The following NLN variants were observed in gnomAD, a reference collection of about 807,000 sequenced individuals.
NLN encodes the protein neurolysin.
NLN carries 64 observed loss-of-function variants against 79.9 expected under a neutral mutation model. The observed-to-expected ratio is 0.80, with a 90% CI of 0.65 to 0.99. NLN has a LOEUF of 0.99. Among genes scored for constraint, NLN ranks in the 50% least tolerant of loss-of-function variants. NLN has a pLI of 0.00. For missense variants in NLN, 835 were observed against 858.7 expected (o/e 0.97, Z 0.34); for synonymous variants, 267 against 296.6 (o/e 0.90, Z 1.02).
rs10639871 is a variant in NLN, at chr5:65,800,663, C to CTTTTTAT, written c.1527+8010_1527+8011insTTTATTT. ...TAGCTTGGATAGTGAAGAAAACTCT[C>CTTTTTAT]TTATTTATTTATTTATTTATTTATT... On this transcript the variant is annotated intron_variant, in intron 9 of 12. Transcript: ENST00000380985. Among the ~76,000 whole-genome samples, 131 of 142,970 alleles carry CTTTTTAT rather than the reference C, an allele frequency of 9.2e-4. 1 individual carries two copies. The highest frequency in any genetic ancestry group is 3.4e-3 in the Admixed American group (48 of 14,250). 93.8% of individuals were successfully genotyped at this position (142,970 alleles called of 152,430 possible).
At chr5:65,780,071 C>A in intron 4 of NLN, 108 bp from the exon 5 acceptor site, 1 of 605,754 alleles carries the variant, frequency 1.7e-6, no homozygotes. Flanking sequence ...AATGATCCAC[C>A]CACCTTAGCC....
chr5:65,793,866 C>T (rs1017738626), intron 9 of NLN, among the ~76,000 whole-genome samples: 5 of 152,056 alleles, frequency 3.3e-5, no homozygotes, highest in Non-Finnish European at 7.4e-5. Context: ...TCTTCCATTC[C>T]AATAGCACAT....
At chr5:65,776,858 G>A (rs1402674464) in intron 3 of NLN, among the ~76,000 whole-genome samples, 1 of 152,138 alleles carries the variant, frequency 6.6e-6, no homozygotes, top group Non-Finnish European at 1.5e-5. Flanking sequence ...TTCCTATGCG[G>A]CTTGCTGTAG....
intron 1 of NLN, among the ~76,000 whole-genome samples, chr5:65,742,519 T>C (rs1758892788): frequency 6.6e-6 from 1 of 152,192 alleles, no homozygotes. Context: ...AATGTCTCCA[T>C]ATTTAGCGTA....
At chr5:65,765,246 G>A (rs1054261427) in intron 3 of NLN, among the ~76,000 whole-genome samples, 1 of 152,170 alleles carries the variant, frequency 6.6e-6, no homozygotes, top group Non-Finnish European at 1.5e-5. Context: ...GGCCAGGTGC[G>A]GTGGCTCACG....
At chr5:65,822,641 T>C in intron 12 of NLN, 140 bp from the exon 13 acceptor site, 1 of 660,430 alleles carries the variant, frequency 1.5e-6, no homozygotes, top group Non-Finnish European at 2.7e-6. Flanking sequence ...ACAGAGCTGT[T>C]TGTGAGCAAG....
chr5:65,738,996 ATT>A (rs141122396), intron 1 of NLN, among the ~76,000 whole-genome samples: 2 of 140,016 alleles, frequency 1.4e-5, no homozygotes, highest in Non-Finnish European at 3.1e-5. Flanking sequence ...ATTTATATAT[ATT>A]TTATAATATA....
At chr5:65,799,611 A>G (rs1760240189) in intron 9 of NLN, among the ~76,000 whole-genome samples, 1 of 152,234 alleles carries the variant, frequency 6.6e-6, no homozygotes, top group Non-Finnish European at 1.5e-5. Context: ...ATTTGTTTTC[A>G]TCTTAAAAAG....
chr5:65,810,189 T>A (rs1449954013), intron 11 of NLN, 24 bp downstream of exon 11: 1 of 1,609,100 alleles, frequency 6.2e-7, no homozygotes, highest in South Asian at 1.1e-5. Context: ...ATGAATTGAG[T>A]TCATTTCTCT....
intron 9 of NLN, among the ~76,000 whole-genome samples, chr5:65,796,696 C>T (rs983343822): frequency 1.3e-5 from 2 of 152,200 alleles, no homozygotes; most frequent in Non-Finnish European, 2.9e-5. Flanking sequence ...TTTTCATAGG[C>T]ACCGATCCAT....
chr5:65,758,618 GT>G lies in NLN; in HGVS notation c.94del (p.Ser32LeufsTer17). On this transcript the variant is annotated frameshift_variant, in exon 2 of 13. Coordinates refer to ENST00000380985, the MANE Select transcript of NLN (RefSeq NM_020726.5). LOFTEE classifies it high-confidence loss of function. ...GAATGACGTTAGGAAGAGAAGTGAT[GT>G]CTCCTCTTCAGGCAATGTCTTCCTA... is the stretch of plus-strand genomic sequence containing the variant. ...LRMTLGREVM[S>X]PLQAMSSYTV... is the part of the protein sequence containing the mutation. The G allele has an allele frequency of 6.2e-7, 1 of 1,602,772 alleles. No homozygotes were observed. The highest frequency in any genetic ancestry group is 8.5e-7 in the Non-Finnish European group (1 of 1,169,832).
chr5:65,828,458 A>G lies in NLN; in HGVS notation c.*5543A>G, dbSNP rs1197695814. On this transcript the variant is annotated 3_prime_UTR_variant, in exon 13 of 13. Transcript: ENST00000380985. ...AAATAAAAAAGAATTAGGGAAGTTC[A>G]GTCTGGAGATAATTCAGAAATACAG... 1 of 152,252 alleles carries G rather than the reference A, an allele frequency of 6.6e-6. No individual in the cohort carries two copies. The highest frequency in any genetic ancestry group is 1.5e-5 in the Non-Finnish European group (1 of 68,044). The allele number at this position is 152,252 out of a possible 1,614,324, so 9.4% of individuals were successfully genotyped here.
In NLN at chr5:65,762,857, A is replaced by G; in HGVS notation, c.302-103A>G. The G allele has an allele frequency of 2.6e-6, 3 of 1,157,262 alleles. No individual in the cohort carries two copies. The South Asian group carries it at 4.7e-5, about 18-fold the overall frequency. 71.7% of individuals were successfully genotyped at this position (1,157,262 alleles called of 1,614,324 possible). A position where few individuals can be genotyped will look rare whatever the true frequency, so the allele number is the denominator to read the frequency against. On this transcript the variant is annotated intron_variant, in intron 2 of 12. Coordinates refer to ENST00000380985, the MANE Select transcript of NLN (RefSeq NM_020726.5). ...CTTTACAGAAAGTATAAAATAAAAC[A>G]AACTTTTATTGGCATGATCATTCAT...
Position 65,792,638 on chromosome 5 carries a change from C to T in NLN, c.1510C>T (p.His504Tyr). Residue 504 changes from histidine to tyrosine, a missense_variant, in exon 9 of 13, where the codon CAT (histidine) becomes TAT (tyrosine). Physicochemically the swap from His to Tyr is moderately conservative, Grantham distance 83. Transcript: ENST00000380985. The stretch of plus-strand genomic sequence containing the variant: ...CTTTCATGAGTTTGGTCACGTGATG[C>T]ATCAGATTTGTGCACAGGTGAGTTT... ...TYFHEFGHVM[H>Y]QICAQTDFAR... 6.8e-6 allele frequency: 11 copies of T among 1,613,152 alleles called. No homozygotes were observed. Among genetic ancestry groups the T allele is most frequent in the Non-Finnish European group, 8.5e-6 (10 of 1,179,192 alleles).
chr5:65,786,770 G>A (rs984603679), intron 7 of NLN, among the ~76,000 whole-genome samples: 2 of 152,214 alleles, frequency 1.3e-5, no homozygotes, highest in African/African-American at 4.8e-5. Context: ...GCTGAGGTGG[G>A]AGGATCCCTT....
Position 65,827,484 on chromosome 5 carries a change from C to T in NLN, c.*4569C>T, listed in dbSNP as rs904786362. The stretch of plus-strand genomic sequence containing the variant: ...GAAATAGTTTGTTCATTGCGTCCAG[C>T]AAGACACGCATTGCTGTTGATATCT... On this transcript the variant is annotated 3_prime_UTR_variant, in exon 13 of 13. Transcript: ENST00000380985. The T allele has an allele frequency of 6.6e-6, 1 of 152,142 alleles. No individual in the cohort carries two copies. The highest frequency in any genetic ancestry group is 6.5e-5 in the Admixed American group (1 of 15,282). 9.4% of individuals were successfully genotyped at this position (152,142 alleles called of 1,614,324 possible).
intron 6 of NLN, among the ~76,000 whole-genome samples, chr5:65,784,626 A>G (rs1292884559): frequency 6.6e-6 from 1 of 152,252 alleles, no homozygotes; most frequent in Non-Finnish European, 1.5e-5. Flanking sequence ...AATTCCCAAA[A>G]GGCCCTGCCA....
chr5:65,822,030 T>G (rs1410311568), intron 12 of NLN, among the ~76,000 whole-genome samples: 1 of 152,244 alleles, frequency 6.6e-6, no homozygotes, highest in Non-Finnish European at 1.5e-5. Context: ...GGAATTATGC[T>G]TCTGAATTGT....
rs146368975 is a variant in NLN, at chr5:65,767,641, T to G, written c.450+4533T>G. On this transcript the variant is annotated intron_variant, in intron 3 of 12. Coordinates refer to ENST00000380985, the MANE Select transcript of NLN (RefSeq NM_020726.5). The stretch of plus-strand genomic sequence containing the variant: ...AATTTCTACAGCTGGCTTGAACTTC[T>G]CCCCAGAAAATGGGTTTTTCTTTTC... Among the ~76,000 whole-genome samples, 397 of 152,340 alleles carry G rather than the reference T, an allele frequency of 2.6e-3. 3 individuals are homozygous for G. Among genetic ancestry groups the G allele is most frequent in the African/African-American group, 9.2e-3 (381 of 41,570 alleles).
Sources: gnomAD v4.1 joint callset for allele counts (sites outside exome capture counted in the v4.1 genomes callset) on GRCh38, gnomAD v4.1.1 for gene constraint, MANE v1.5 for transcripts, NCBI Gene and HGNC (gene_info 2026-07-23, HGNC 2026-07-21) for gene names.